Variants in GPAT3 observed in about 807,000 individuals in gnomAD.
The protein encoded by GPAT3 is 1-AGP acyltransferase 9.
A neutral mutation model predicts 58.8 loss-of-function variants in GPAT3; 53 were observed. The ratio of observed to expected loss-of-function variants is 0.90; its 90% CI spans 0.72 to 1.13. The LOEUF (loss-of-function observed/expected upper bound fraction) is 1.13. Among genes scored for constraint, GPAT3 ranks in the 50% most tolerant of loss-of-function variants. The probability of loss-of-function intolerance (pLI) is 0.00; values close to 1 mark genes in which losing one functional copy is unlikely to be tolerated. For missense variants in GPAT3, 511 were observed against 527.6 expected (o/e 0.97, Z 0.31); for synonymous variants, 197 against 187.4 (o/e 1.05, Z -0.42).
intron 2 of GPAT3, among the ~76,000 whole-genome samples, chr4:83,571,712 A>G (rs555372624): frequency 5.9e-5 from 6 of 102,434 alleles, no homozygotes; most frequent in African/African-American, 8.1e-5. Context: ...ACACACATAT[A>G]TATACACACA....
chr4:83,563,283 G>C (rs1031185801), intron 2 of GPAT3, among the ~76,000 whole-genome samples: 4 of 152,060 alleles, frequency 2.6e-5, no homozygotes, highest in Non-Finnish European at 5.9e-5. Flanking sequence ...TTTTGCATAA[G>C]TAATAAACTC....
intron 1 of GPAT3, among the ~76,000 whole-genome samples, chr4:83,541,999 T>G (rs2110069189): frequency 6.6e-6 from 1 of 152,318 alleles, no homozygotes; most frequent in Admixed American, 6.5e-5. Context: ...ACTTAGTCAC[T>G]CTTTAAAGAC....
chr4:83,589,281 A>G (rs1303214871), intron 5 of GPAT3, among the ~76,000 whole-genome samples: 1 of 152,234 alleles, frequency 6.6e-6, no homozygotes, highest in Non-Finnish European at 1.5e-5. Flanking sequence ...TTCTCTGTAT[A>G]GGCCCAAAGA....
intron 3 of GPAT3, among the ~76,000 whole-genome samples, chr4:83,583,667 G>GGAA (rs1553947553): frequency 4.3e-5 from 1 of 23,462 alleles, no homozygotes; most frequent in African/African-American, 1.9e-4. Flanking sequence ...ACTCTTGTCT[G>GGAA]AAAAAAAAAA....
chr4:83,561,631 G>A (rs1725128042), intron 2 of GPAT3, among the ~76,000 whole-genome samples: 1 of 152,100 alleles, frequency 6.6e-6, no homozygotes, highest in African/African-American at 2.4e-5. Context: ...CACAGCATGT[G>A]CTAGTGTTCA....
rs1489616680 is a variant in GPAT3, at chr4:83,581,907, G to C, written c.479+75G>C. The C allele has an allele frequency of 5.2e-6, 8 of 1,530,762 alleles. No homozygotes were observed. The Admixed American group carries it at 9.8e-5, about 19-fold the overall frequency. The allele number at this position is 1,530,762 out of a possible 1,614,324, so 94.8% of individuals were successfully genotyped here. On this transcript the variant is annotated intron_variant, in intron 3 of 11. Coordinates refer to ENST00000264409, the MANE Select transcript of GPAT3 (RefSeq NM_032717.5). ...TTTGAATCATGTACATAATGGCCAC[G>C]TAAGTGTTCTGTGGTGCTTATTCCA...
intron 11 of GPAT3, among the ~76,000 whole-genome samples, chr4:83,602,709 A>C (rs1282647774): frequency 6.6e-6 from 1 of 152,208 alleles, no homozygotes; most frequent in African/African-American, 2.4e-5. Context: ...CAGATTGCTC[A>C]AGACTTACAT....
At chr4:83,555,155 T>C (rs1170889549) in intron 2 of GPAT3, among the ~76,000 whole-genome samples, 1 of 152,110 alleles carries the variant, frequency 6.6e-6, no homozygotes, top group Non-Finnish European at 1.5e-5. Context: ...AAATATGTAT[T>C]AGACTTCTGC....
chr4:83,588,794 C>T (rs570898426), intron 5 of GPAT3, among the ~76,000 whole-genome samples: 2 of 152,310 alleles, frequency 1.3e-5, no homozygotes, highest in East Asian at 3.9e-4. Flanking sequence ...TTCTAAAATT[C>T]CATAATTGAG....
intron 2 of GPAT3, among the ~76,000 whole-genome samples, chr4:83,554,805 T>A (rs1724890227): frequency 8.8e-6 from 1 of 113,158 alleles, no homozygotes. Flanking sequence ...CTCCCTCTTT[T>A]TTTTTTTTTT....
chr4:83,604,741 A>T lies in GPAT3; in HGVS notation c.1279A>T (p.Ile427Phe). Residue 427 changes from isoleucine to phenylalanine, a missense_variant, in exon 12 of 12, where the codon ATT (isoleucine) becomes TTT (phenylalanine). Physicochemically the swap from Ile to Phe is conservative, Grantham distance 21. Transcript: ENST00000264409. ...GCAGCAGAAAAATTACAGCAAGATG[A>T]TTGTGGGCAATGGATCTCTCAGCTA... Reference protein sequence around the residue: ...EEQQKNYSKMIVGNGSLS With the variant: ...EEQQKNYSKMFVGNGSLS The T allele has an allele frequency of 6.2e-7, 1 of 1,613,928 alleles. No individual in the cohort carries two copies. Among genetic ancestry groups the T allele is most frequent in the Non-Finnish European group, 8.5e-7 (1 of 1,179,888 alleles).
chr4:83,579,001 C>T (rs1470114988), intron 2 of GPAT3, among the ~76,000 whole-genome samples: 3,646 of 82,838 alleles, frequency 0.044, 509 homozygotes, highest in Middle Eastern at 0.056. Context: ...TCCTTCCTTC[C>T]TTCCTTCCTT....
intron 2 of GPAT3, among the ~76,000 whole-genome samples, chr4:83,559,321 A>T (rs1725047383): frequency 6.6e-6 from 1 of 151,876 alleles, no homozygotes; most frequent in Non-Finnish European, 1.5e-5. Flanking sequence ...AAAGCAGGAA[A>T]GATTTTTTTT....
intron 3 of GPAT3, among the ~76,000 whole-genome samples, 167 bp downstream of exon 3, chr4:83,581,999 C>G (rs1250016940): frequency 6.6e-6 from 1 of 152,216 alleles, no homozygotes; most frequent in African/African-American, 2.4e-5. Flanking sequence ...ATCCATTTTC[C>G]TTTCACAATT....
chr4:83,544,269 A>G (rs1463789794), intron 1 of GPAT3, among the ~76,000 whole-genome samples: 2 of 152,188 alleles, frequency 1.3e-5, no homozygotes, highest in South Asian at 2.1e-4. Context: ...TCAAGGAGTA[A>G]TTTATCAGGT....
intron 2 of GPAT3, among the ~76,000 whole-genome samples, chr4:83,569,437 G>A (rs1356269739): frequency 1.5e-4 from 23 of 152,258 alleles, no homozygotes; most frequent in East Asian, 9.6e-4. Flanking sequence ...CCTGGCTGAC[G>A]GTCCAGGTTA....
In GPAT3 at chr4:83,561,929, C is replaced by T. The variant is rs188022724; in HGVS notation, c.208+17327C>T. Among the ~76,000 whole-genome samples the T allele has an allele frequency of 8.6e-5, 13 of 150,548 alleles. No individual in the cohort carries two copies. The South Asian group carries it at 1.9e-3, about 22-fold the overall frequency. On this transcript the variant is annotated intron_variant, in intron 2 of 11. Coordinates refer to ENST00000264409, the MANE Select transcript of GPAT3 (RefSeq NM_032717.5). ...TTTTAGAAATTTGGAAATGATATTT[C>T]GTAAGTTTGATATAATTGGTCATTT...
At chr4:83,563,602 C>A (rs1403251877) in intron 2 of GPAT3, among the ~76,000 whole-genome samples, 1 of 150,978 alleles carries the variant, frequency 6.6e-6, no homozygotes, top group Non-Finnish European at 1.5e-5. Flanking sequence ...CTGCCTTAGG[C>A]TCCTGAATAG....
At chr4:83,595,529 C>T (rs1025644551) in intron 7 of GPAT3, among the ~76,000 whole-genome samples, 1 of 152,014 alleles carries the variant, frequency 6.6e-6, no homozygotes, top group African/African-American at 2.4e-5. Context: ...CAAGACCAGC[C>T]TGGGCAGTAT....
Sources: allele counts gnomAD v4.1 joint callset (sites outside exome capture counted in the v4.1 genomes callset), GRCh38; gene constraint gnomAD v4.1.1; transcripts MANE v1.5; gene names NCBI Gene and HGNC (gene_info 2026-07-23, HGNC 2026-07-21).